The following CTCF variants were observed in gnomAD, a reference collection of about 807,000 sequenced individuals.
The protein encoded by CTCF is transcriptional repressor CTCF.
CTCF carries 7 observed loss-of-function variants against 72.3 expected under a neutral mutation model. That is an observed-to-expected ratio of 0.10 (90% CI 0.06 to 0.18). The LOEUF (loss-of-function observed/expected upper bound fraction) is 0.18. Among genes scored for constraint, CTCF ranks in the 10% least tolerant of loss-of-function variants. The pLI is 1.00. For synonymous variants in CTCF, 374 were observed against 315.8 expected (o/e 1.18, Z -1.95); for missense variants, 516 against 949.1 (o/e 0.54, Z 6.00).
intron 2 of CTCF, among the ~76,000 whole-genome samples, chr16:67,596,936 C>G (rs2051823199): frequency 6.6e-6 from 1 of 152,158 alleles, no homozygotes; most frequent in Non-Finnish European, 1.5e-5. Flanking sequence ...ATCATTTCCT[C>G]TGATTTCTCT....
Position 67,633,781 on chromosome 16 carries a change from G to GACACAC in CTCF, c.1838-2880_1838-2875dup, listed in dbSNP as rs10587869. On this transcript the variant is annotated intron_variant, in intron 10 of 11. Transcript: ENST00000264010. ...AAAAAGAATTTCCGTCTTGTCCCCT[G>GACACAC]ACACACACACACACACACACACACA... Among the ~76,000 whole-genome samples the GACACAC allele has an allele frequency of 5.8e-3, 833 of 143,196 alleles. 2 individuals are homozygous for GACACAC. The highest frequency in any genetic ancestry group is 0.011 in the African/African-American group (429 of 39,228). The allele number at this position is 143,196 out of a possible 152,430, so 93.9% of individuals were successfully genotyped here. A position where few individuals can be genotyped will look rare whatever the true frequency, so the allele number is the denominator to read the frequency against.
intron 10 of CTCF, among the ~76,000 whole-genome samples, chr16:67,633,816 T>TCTCA (rs1555536513): frequency 1.4e-5 from 2 of 141,152 alleles, no homozygotes; most frequent in South Asian, 2.3e-4. Flanking sequence ...ACACACACAC[T>TCTCA]CTCACTCACT....
rs571908400 is a variant in CTCF, at chr16:67,602,144, G to A, written c.-9-8680G>A. On this transcript the variant is annotated intron_variant, in intron 2 of 11. Coordinates refer to ENST00000264010, the MANE Select transcript of CTCF (RefSeq NM_006565.4). The stretch of plus-strand genomic sequence containing the variant: ...CTCCCAAAGTGCTGGGATTACAGGC[G>A]TGAGCCACTCAGCCCAGCCTGTTTA... Among the ~76,000 whole-genome samples, 49 of 152,140 alleles carry A rather than the reference G, an allele frequency of 3.2e-4. 1 individual carries two copies. The highest frequency in any genetic ancestry group is 2.9e-3 in the South Asian group (14 of 4,816).
At chr16:67,621,694 T>G (rs1186283934) in intron 7 of CTCF, 103 bp downstream of exon 7, 3 of 853,068 alleles carry the variant, frequency 3.5e-6, no homozygotes, top group East Asian at 2.7e-5. Context: ...CTCATAACAT[T>G]TTATGTATAG....
At chr16:67,602,400 T>C (rs1477252173) in intron 2 of CTCF, among the ~76,000 whole-genome samples, 1 of 152,202 alleles carries the variant, frequency 6.6e-6, no homozygotes, top group Non-Finnish European at 1.5e-5. Flanking sequence ...CAATTTTTTG[T>C]TCTTTGATAC....
chr16:67,603,552 T>C lies in CTCF; in HGVS notation c.-9-7272T>C, dbSNP rs536170641. On this transcript the variant is annotated intron_variant, in intron 2 of 11. Transcript: ENST00000264010. Reference sequence around the variant, plus strand: ...CCTCTCAAAAAAAAAAGGCTGGGTGTGGTGGCTCACACCTGTAATCCTGGT... The same window carrying C: ...CCTCTCAAAAAAAAAAGGCTGGGTGCGGTGGCTCACACCTGTAATCCTGGT... Among the ~76,000 whole-genome samples, 11 of 145,036 alleles carry C rather than the reference T, an allele frequency of 7.6e-5. No individual in the cohort carries two copies. The East Asian group carries it at 1.4e-3, about 19-fold the overall frequency.
rs563659446 is a variant in CTCF, at chr16:67,574,133, A to G, written c.-10+2869A>G. ...TGTCATCCAACACCATCTACCCAAGATGGTGTCAGATCCCACACGTTTAGG... is the reference window on the plus strand; with the variant it reads ...TGTCATCCAACACCATCTACCCAAGGTGGTGTCAGATCCCACACGTTTAGG... On this transcript the variant is annotated intron_variant, in intron 2 of 11. Transcript: ENST00000264010. Among the ~76,000 whole-genome samples, 18 of 152,084 alleles carry G rather than the reference A, an allele frequency of 1.2e-4. No homozygotes were observed. In the South Asian group the frequency reaches 3.7e-3, roughly 32 times the overall value.
In CTCF at chr16:67,628,563, G is replaced by C. The variant is rs1282444050; in HGVS notation, c.1701+11G>C. On this transcript the variant is annotated intron_variant, in intron 9 of 11. Coordinates refer to ENST00000264010, the MANE Select transcript of CTCF (RefSeq NM_006565.4). ...ACATTTACACGTCGGGTAAGGGTCA[G>C]AACTTCACTTTGCCTGTTATGATAC... 1.2e-6 allele frequency: 2 copies of C among 1,611,974 alleles called. No homozygotes were observed. Among genetic ancestry groups the C allele is most frequent in the African/African-American group, 2.7e-5 (2 of 74,902 alleles).
rs1037473110 is a variant in CTCF, at chr16:67,601,680, G to C, written c.-9-9144G>C. Among the ~76,000 whole-genome samples, 44 of 152,022 alleles carry C rather than the reference G, an allele frequency of 2.9e-4. 1 individual carries two copies. The highest frequency in any genetic ancestry group is 2.8e-3 in the Admixed American group (43 of 15,236). ...AAATAGAAGCTATTGCTTTAAGACC[G>C]AGTAGATGCTGTTGTTTTGTGGACT... On this transcript the variant is annotated intron_variant, in intron 2 of 11. Transcript: ENST00000264010.
At chr16:67,585,313 G>C (rs895088050) in intron 2 of CTCF, among the ~76,000 whole-genome samples, 5 of 152,234 alleles carry the variant, frequency 3.3e-5, no homozygotes, top group African/African-American at 1.2e-4. Context: ...GCCTCCCAAA[G>C]TGCTGGGATT....
At chr16:67,601,217 GGTGTGTGTGT>G (rs59655549) in intron 2 of CTCF, among the ~76,000 whole-genome samples, 49 of 128,400 alleles carry the variant, frequency 3.8e-4, no homozygotes, top group Middle Eastern at 3.8e-3. Flanking sequence ...TGCACTAAGG[GGTGTGTGTGT>G]GTGTGTGTGT....
chr16:67,604,503 C>A (rs1028135308), intron 2 of CTCF, among the ~76,000 whole-genome samples: 1 of 151,822 alleles, frequency 6.6e-6, no homozygotes, highest in Admixed American at 6.6e-5. Flanking sequence ...CCACCACGCC[C>A]GGCTAATTTT....
At chr16:67,592,776 C>T (rs2051762780) in intron 2 of CTCF, among the ~76,000 whole-genome samples, 2 of 151,820 alleles carry the variant, frequency 1.3e-5, no homozygotes, top group South Asian at 4.1e-4. Context: ...TCAGTAATCT[C>T]AGCACTTTGG....
At position 67,637,776 on chromosome 16, in the gene CTCF, C is replaced by T. The variant is rs371078024; in HGVS notation, c.2088C>T (p.Pro696=). The change falls in exon 12 of 12, where the codon CCC becomes CCT. Residue 696 remains proline (P), a synonymous_variant. Transcript: ENST00000264010. ...VEVKKEPDAE[P]AEGEEEEAQP... ...TAAAAAAAGAGCCAGATGCTGAGCC[C>T]GCAGAGGGAGAGGAAGAGGAGGCCC... 4.2e-5 allele frequency: 68 copies of T among 1,613,284 alleles called. 1 individual carries two copies. The highest frequency in any genetic ancestry group is 6.7e-5 in the East Asian group (3 of 44,884).
chr16:67,603,470 T>G (rs980694659), intron 2 of CTCF, among the ~76,000 whole-genome samples: 1 of 150,788 alleles, frequency 6.6e-6, no homozygotes, highest in Admixed American at 6.6e-5. Flanking sequence ...GAGGCGGAGC[T>G]TGCAGTGAGC....
intron 10 of CTCF, among the ~76,000 whole-genome samples, chr16:67,631,158 T>G (rs925877153): frequency 1.4e-4 from 20 of 140,868 alleles, no homozygotes; most frequent in Middle Eastern, 3.5e-3. Flanking sequence ...TTGTTTGTTT[T>G]TTTTTTGTTT....
intron 3 of CTCF, 58 bp from the exon 4 acceptor site, chr16:67,611,893 G>C: frequency 7.0e-7 from 1 of 1,419,004 alleles, no homozygotes; most frequent in Non-Finnish European, 9.9e-7. Context: ...TTTAAGATTA[G>C]GATTAATCTT....
chr16:67,620,015 G>A (rs760806877), intron 5 of CTCF, among the ~76,000 whole-genome samples: 8 of 152,164 alleles, frequency 5.3e-5, no homozygotes, highest in Admixed American at 3.3e-4. Context: ...TCTAGGAAAC[G>A]CTAATGATAG....
At chr16:67,576,215 A>C (rs1193279503) in intron 2 of CTCF, among the ~76,000 whole-genome samples, 5 of 151,956 alleles carry the variant, frequency 3.3e-5, no homozygotes, top group African/African-American at 1.2e-4. Flanking sequence ...TTAATAGCAT[A>C]ATACCAAAAA....
Sources: gnomAD v4.1 joint callset for allele counts (sites outside exome capture counted in the v4.1 genomes callset) on GRCh38, gnomAD v4.1.1 for gene constraint, MANE v1.5 for transcripts, NCBI Gene and HGNC (gene_info 2026-07-23, HGNC 2026-07-21) for gene names.